The following MOB1A variants were observed in gnomAD, a reference collection of about 807,000 sequenced individuals.
MOB1A encodes MOB kinase activator 1A, also known as MOB1 Mps One Binder homolog A.
In MOB1A, 10 loss-of-function variants were observed where a neutral mutation model predicts 25.1. The ratio of observed to expected loss-of-function variants is 0.40; its 90% CI spans 0.25 to 0.68. The LOEUF (loss-of-function observed/expected upper bound fraction) is 0.68. Ranked by LOEUF, MOB1A falls within the 30% of genes least tolerant of loss-of-function variation. MOB1A has a pLI of 0.40. For synonymous variants in MOB1A, 81 were observed against 79.5 expected, an observed-to-expected ratio of 1.02 and a Z score of -0.10; for missense variants, 177 against 256.3, an observed-to-expected ratio of 0.69 and a Z score of 2.11.
intron 2 of MOB1A, 56 bp downstream of exon 2, chr2:74,172,528 CAA>C: frequency 4.6e-6 from 7 of 1,522,134 alleles, no homozygotes; most frequent in Non-Finnish European, 6.2e-6. Flanking sequence ...AATTCATTAA[CAA>C]AGAGATTTTA....
chr2:74,177,075 C>T (rs1693495312), intron 1 of MOB1A, among the ~76,000 whole-genome samples: 1 of 152,018 alleles, frequency 6.6e-6, no homozygotes, highest in Non-Finnish European at 1.5e-5. Context: ...AAGTCTCGGC[C>T]GAGTGCGGGA....
chr2:74,159,188 T>A lies in MOB1A; in HGVS notation c.476A>T (p.Tyr159Phe). Reference protein sequence around the residue: ...KTILKRLFRVYAHIYHQHFDS... With the variant: ...KTILKRLFRVFAHIYHQHFDS... ...AAAGTGCTGGTGATAAATATGGGCATAAACCCTGAACAGACGCTTTAGAAT... is the reference window on the plus strand; with the variant it reads ...AAAGTGCTGGTGATAAATATGGGCAAAAACCCTGAACAGACGCTTTAGAAT... The change falls in exon 5 of 6, where the codon TAT becomes TTT. Residue 159 changes from tyrosine to phenylalanine, a missense_variant. Transcript: ENST00000396049. The A allele has an allele frequency of 6.2e-7, 1 of 1,614,030 alleles. No individual in the cohort carries two copies. Among genetic ancestry groups the A allele is most frequent in the Non-Finnish European group, 8.5e-7 (1 of 1,179,886 alleles).
chr2:74,160,348 A>G (rs764800010), intron 4 of MOB1A, among the ~76,000 whole-genome samples: 2 of 152,148 alleles, frequency 1.3e-5, no homozygotes, highest in Non-Finnish European at 2.9e-5. Context: ...GAAATTACAT[A>G]CATACGCACT....
Position 74,156,588 on chromosome 2 carries a change from G to C in MOB1A, c.631C>G (p.Leu211Val). Residue 211 changes from leucine to valine, a missense_variant, in exon 6 of 6, where the codon CTT (leucine) becomes GTT (valine). Physicochemically the swap from Leu to Val is conservative, Grantham distance 32. Coordinates refer to ENST00000396049, the MANE Select transcript of MOB1A (RefSeq NM_018221.5). ...AACATTTATCTGTCTTTTGATCCAAGTTTCTCTATTAATTCTTGAAGAGGT... is the reference window on the plus strand; with the variant it reads ...AACATTTATCTGTCTTTTGATCCAACTTTCTCTATTAATTCTTGAAGAGGT... ...LAPLQELIEK[L>V]GSKDR is the part of the protein sequence containing the mutation. The C allele has an allele frequency of 6.4e-7, 1 of 1,554,298 alleles. No homozygotes were observed. The highest frequency in any genetic ancestry group is 8.7e-7 in the Non-Finnish European group (1 of 1,147,874).
Position 74,166,998 on chromosome 2 carries a change from T to C in MOB1A, c.275+16A>G, listed in dbSNP as rs1396636072. 2 of 1,572,806 alleles carry C rather than the reference T, an allele frequency of 1.3e-6. No individual in the cohort carries two copies. Among genetic ancestry groups the C allele is most frequent in the Non-Finnish European group, 1.7e-6 (2 of 1,146,018 alleles). Reference sequence around the variant, plus strand: ...AAAACTAATCCAAACACCTATATAATAGGCAGTATATGTACCTCGGACCTG... The same window carrying C: ...AAAACTAATCCAAACACCTATATAACAGGCAGTATATGTACCTCGGACCTG... On this transcript the variant is annotated intron_variant, in intron 3 of 5. Coordinates refer to ENST00000396049, the MANE Select transcript of MOB1A (RefSeq NM_018221.5).
intron 1 of MOB1A, among the ~76,000 whole-genome samples, chr2:74,176,633 A>G (rs899877900): frequency 1.3e-5 from 2 of 151,844 alleles, no homozygotes; most frequent in Admixed American, 1.3e-4. Flanking sequence ...GCATGGTGGC[A>G]GGCGCCTGTA....
chr2:74,170,040 A>G (rs1189307024), intron 2 of MOB1A, among the ~76,000 whole-genome samples: 1 of 152,250 alleles, frequency 6.6e-6, no homozygotes, highest in African/African-American at 2.4e-5. Flanking sequence ...GCTGATCTAC[A>G]GCAGTTAAGT....
chr2:74,178,776 G>C lies in MOB1A; in HGVS notation c.-102C>G. ...GACCGTCCTTAGCTCACGGGCAGCG[G>C]AAGCCGGGCCGCCGCCGCTCGGAGC... On this transcript the variant is annotated 5_prime_UTR_variant, in exon 1 of 6. Coordinates refer to ENST00000396049, the MANE Select transcript of MOB1A (RefSeq NM_018221.5). 2.0e-6 allele frequency: 1 copy of C among 496,794 alleles called. No individual in the cohort carries two copies. The highest frequency in any genetic ancestry group is 3.0e-6 in the Non-Finnish European group (1 of 336,320). The allele number at this position is 496,794 out of a possible 1,614,324, so 30.8% of individuals were successfully genotyped here. A position where few individuals can be genotyped will look rare whatever the true frequency, so the allele number is the denominator to read the frequency against.
chr2:74,163,670 C>T (rs191143619), intron 4 of MOB1A, among the ~76,000 whole-genome samples: 1 of 152,006 alleles, frequency 6.6e-6, no homozygotes, highest in Non-Finnish European at 1.5e-5. Flanking sequence ...CAATAAAAAC[C>T]AACAGCTTTC....
chr2:74,170,451 T>C (rs1322779647), intron 2 of MOB1A, among the ~76,000 whole-genome samples: 1 of 152,114 alleles, frequency 6.6e-6, no homozygotes, highest in Non-Finnish European at 1.5e-5. Context: ...ATAAAGTTTT[T>C]TAAAAAAGGT....
rs143561278 is a variant in MOB1A at position 74,162,453 on chromosome 2, G to A, written c.409+2765C>T. On this transcript the variant is annotated intron_variant, in intron 4 of 5. Coordinates refer to ENST00000396049, the MANE Select transcript of MOB1A (RefSeq NM_018221.5). The stretch of plus-strand genomic sequence containing the variant: ...GCCGAGACTGTGCCACTGCCCTCCA[G>A]CCTGGGTGACAGAGTGAGACCCTGT... 4.8e-3 allele frequency among the ~76,000 whole-genome samples: 728 copies of A among 152,262 alleles called. 8 individuals carry two copies. Among genetic ancestry groups the A allele is most frequent in the African/African-American group, 0.017 (701 of 41,548 alleles).
rs1232038450 is a variant in MOB1A at position 74,159,254 on chromosome 2, C to T, written c.410G>A (p.Gly137Asp). ...DDETLFPSKI[G>D]VPFPKNFMSV... ...CATAAAGTTTTTGGGAAATGGGACA[C>T]CTGCAATTAAATACACATATGAAAC... Residue 137 changes from glycine to aspartate, a missense_variant and splice_region_variant, in exon 5 of 6, where the codon GGT becomes GAT. Transcript: ENST00000396049. 1 of 1,612,202 alleles carries T rather than the reference C, an allele frequency of 6.2e-7. No individual in the cohort carries two copies. Among genetic ancestry groups the T allele is most frequent in the Non-Finnish European group, 8.5e-7 (1 of 1,179,026 alleles).
chr2:74,172,655 T>C lies in MOB1A; in HGVS notation c.112A>G (p.Ser38Gly). 6.2e-7 allele frequency: 1 copy of C among 1,613,892 alleles called. No individual in the cohort carries two copies. Among genetic ancestry groups the C allele is most frequent in the Non-Finnish European group, 8.5e-7 (1 of 1,179,842 alleles). ...LLKHAEATLG[S>G]GNLRQAVMLP... ...ATAACAGCTTGTCTCAGATTCCCAC[T>C]TCCTAGAGTTGCTTCTGCATGTTTT... Residue 38 changes from serine (S) to glycine (G), a missense_variant, in exon 2 of 6, where the codon AGT (serine) becomes GGT (glycine). Ser to Gly is a moderately conservative substitution (Grantham distance 56, BLOSUM62 0). Coordinates refer to ENST00000396049, the MANE Select transcript of MOB1A (RefSeq NM_018221.5).
rs565104893 is a variant in MOB1A at position 74,171,304 on chromosome 2, A to T, written c.181+1282T>A. On this transcript the variant is annotated intron_variant, in intron 2 of 5. Coordinates refer to ENST00000396049, the MANE Select transcript of MOB1A (RefSeq NM_018221.5). ...CTCCATCTCAAAAAATAAAATAAAA[A>T]AAAAATAAAAAATAAAAGAAACATT... 3.8e-4 allele frequency among the ~76,000 whole-genome samples: 58 copies of T among 152,062 alleles called. 2 individuals carry two copies. The South Asian group carries it at 0.01, about 27-fold the overall frequency.
intron 4 of MOB1A, chr2:74,164,600 T>G (rs1035096338): frequency 1.3e-5 from 2 of 152,148 alleles, no homozygotes; most frequent in African/African-American, 4.8e-5. Flanking sequence ...AATTGTTATA[T>G]TAAAATCAAG....
In MOB1A at chr2:74,173,965, A is replaced by AG. The variant is rs1440030020; in HGVS notation, c.15-1214_15-1213insC. On this transcript the variant is annotated intron_variant, in intron 1 of 5. Transcript: ENST00000396049. ...CTCCGTCTCAAAAAAAAAAAAAAAA[A>AG]AAAAGAAAATGATGGGGCCATGGCT... 2.3e-3 allele frequency among the ~76,000 whole-genome samples: 317 copies of AG among 137,862 alleles called. 4 individuals carry two copies. Among genetic ancestry groups the AG allele is most frequent in the African/African-American group, 6.1e-3 (223 of 36,704 alleles). The allele number at this position is 137,862 out of a possible 152,430, so 90.4% of individuals were successfully genotyped here. A position where few individuals can be genotyped will look rare whatever the true frequency, so the allele number is the denominator to read the frequency against.
Position 74,155,746 on chromosome 2 carries a change from T to C in MOB1A, c.*822A>G, listed in dbSNP as rs1692787043. ...TGGTTTTGAGATCTAAATTTATTAA[T>C]ATTTTGGATTCCTTTTCTCAGCCAA... On this transcript the variant is annotated 3_prime_UTR_variant, in exon 6 of 6. Coordinates refer to ENST00000396049, the MANE Select transcript of MOB1A (RefSeq NM_018221.5). 6.6e-6 allele frequency: 1 copy of C among 152,564 alleles called. No homozygotes were observed. The highest frequency in any genetic ancestry group is 1.5e-5 in the Non-Finnish European group (1 of 67,990). 9.5% of individuals were successfully genotyped at this position (152,564 alleles called of 1,614,324 possible).
intron 1 of MOB1A, chr2:74,173,325 CACTA>C (rs1329938692): frequency 4.7e-6 from 2 of 424,892 alleles, no homozygotes; most frequent in African/African-American, 2.1e-5. Context: ...CTTGATCTGA[CACTA>C]ACTGTGTCTT....
chr2:74,163,797 TA>T (rs750726910), intron 4 of MOB1A, among the ~76,000 whole-genome samples: 63 of 151,904 alleles, frequency 4.1e-4, no homozygotes, highest in Non-Finnish European at 8.1e-4. Context: ...CAAGAGAAAA[TA>T]AAGCTAAAGA....
Sources: allele counts gnomAD v4.1 joint callset (sites outside exome capture counted in the v4.1 genomes callset), GRCh38; gene constraint gnomAD v4.1.1; transcripts MANE v1.5; gene names NCBI Gene and HGNC (gene_info 2026-07-23, HGNC 2026-07-21).